Variants in ZCCHC7 observed in about 807,000 individuals in gnomAD.
ZCCHC7 encodes zinc finger CCHC-type containing 7, also known as zinc finger CCHC domain-containing protein 7.
A neutral mutation model predicts 52.0 loss-of-function variants in ZCCHC7; 35 were observed. The ratio of observed to expected loss-of-function variants is 0.67; its 90% CI spans 0.51 to 0.89. The LOEUF (loss-of-function observed/expected upper bound fraction) is 0.89. Ranked by LOEUF, ZCCHC7 falls within the 40% of genes least tolerant of loss-of-function variation. ZCCHC7 has a pLI of 0.00. For synonymous variants in ZCCHC7, 217 were observed against 221.5 expected, an observed-to-expected ratio of 0.98 and a Z score of 0.18; for missense variants, 574 against 649.1, an observed-to-expected ratio of 0.88 and a Z score of 1.26.
At chr9:37,294,040 G>A (rs1254362458) in intron 2 of ZCCHC7, among the ~76,000 whole-genome samples, 1 of 152,116 alleles carries the variant, frequency 6.6e-6, no homozygotes, top group Non-Finnish European at 1.5e-5. Flanking sequence ...CTATTAAAAT[G>A]TGTTTTATTT....
intron 2 of ZCCHC7, among the ~76,000 whole-genome samples, chr9:37,275,887 G>A (rs1024114318): frequency 6.6e-5 from 10 of 152,124 alleles, no homozygotes; most frequent in African/African-American, 2.2e-4. Context: ...CTGACCTCAG[G>A]TGATCCGCCT....
At chr9:37,145,240 C>A (rs1190716991) in intron 2 of ZCCHC7, among the ~76,000 whole-genome samples, 1 of 151,660 alleles carries the variant, frequency 6.6e-6, no homozygotes, top group Non-Finnish European at 1.5e-5. Context: ...AATATGTAGA[C>A]CTTGATTAAA....
At chr9:37,187,390 T>C (rs906951132) in intron 2 of ZCCHC7, among the ~76,000 whole-genome samples, 4 of 152,238 alleles carry the variant, frequency 2.6e-5, no homozygotes, top group Admixed American at 2.6e-4. Context: ...ATAGGGTTCA[T>C]GCTCCTATGA....
intron 6 of ZCCHC7, 40 bp from the exon 7 acceptor site, chr9:37,349,317 T>G: frequency 6.3e-7 from 1 of 1,597,492 alleles, no homozygotes; most frequent in Non-Finnish European, 8.6e-7. Context: ...TTTAATTTTC[T>G]TCTAACATCA....
chr9:37,235,021 G>A (rs544894507), intron 2 of ZCCHC7, among the ~76,000 whole-genome samples: 24 of 152,252 alleles, frequency 1.6e-4, no homozygotes, highest in African/African-American at 5.5e-4. Flanking sequence ...TGTATACACT[G>A]TATAATGATC....
intron 2 of ZCCHC7, among the ~76,000 whole-genome samples, chr9:37,210,230 A>C (rs1280231858): frequency 1.3e-5 from 2 of 152,108 alleles, no homozygotes; most frequent in African/African-American, 4.8e-5. Flanking sequence ...GACTTGTCAA[A>C]CTGACAGTTG....
chr9:37,290,101 T>C (rs1372472063), intron 2 of ZCCHC7, among the ~76,000 whole-genome samples: 1 of 152,230 alleles, frequency 6.6e-6, no homozygotes, highest in Non-Finnish European at 1.5e-5. Context: ...TGTTTGGTTT[T>C]TAATTGTTTC....
At chr9:37,268,737 A>T (rs1037091766) in intron 2 of ZCCHC7, among the ~76,000 whole-genome samples, 1 of 151,542 alleles carries the variant, frequency 6.6e-6, no homozygotes, top group African/African-American at 2.4e-5. Context: ...CAAAATTTCT[A>T]CTCTTTCCGA....
rs566911392 is a variant in ZCCHC7 at position 37,267,570 on chromosome 9, T to C, written c.611-34618T>C. On this transcript the variant is annotated intron_variant, in intron 2 of 8. Transcript: ENST00000336755. ...ACCATGCACGGCTAATTTTTTCTTT[T>C]TTTTTTTTTTTTTTTTTGAGACAGA... is the stretch of plus-strand genomic sequence containing the variant. 3.8e-4 allele frequency among the ~76,000 whole-genome samples: 54 copies of C among 142,512 alleles called. No individual in the cohort carries two copies. In the East Asian group the frequency reaches 3.8e-3, roughly 10 times the overall value. The allele number at this position is 142,512 out of a possible 152,430, so 93.5% of individuals were successfully genotyped here.
At chr9:37,143,013 T>C (rs144124608) in intron 2 of ZCCHC7, among the ~76,000 whole-genome samples, 4 of 151,924 alleles carry the variant, frequency 2.6e-5, no homozygotes, top group Non-Finnish European at 4.4e-5. Context: ...AGGAGAACAC[T>C]GTAGAGCCGA....
intron 6 of ZCCHC7, among the ~76,000 whole-genome samples, chr9:37,343,880 A>G (rs1359251815): frequency 6.6e-6 from 1 of 152,210 alleles, no homozygotes; most frequent in African/African-American, 2.4e-5. Context: ...ATAGTATGAA[A>G]TCAACCATAG....
At chr9:37,230,784 A>G (rs1219471426) in intron 2 of ZCCHC7, among the ~76,000 whole-genome samples, 1 of 151,716 alleles carries the variant, frequency 6.6e-6, no homozygotes, top group African/African-American at 2.4e-5. Flanking sequence ...ATTTTTTTTC[A>G]TTGATTTGTT....
In ZCCHC7 at chr9:37,354,848, G is replaced by T; in HGVS notation, c.1198+24G>T. On this transcript the variant is annotated intron_variant, in intron 8 of 8. Coordinates refer to ENST00000336755, the MANE Select transcript of ZCCHC7 (RefSeq NM_032226.3). This position sits in a 1 kb window ranked among gnomAD's most constrained non-coding sequence, Gnocchi z 4.0. ...AGGTATGTTGCTAGACTTCTTGTTA[G>T]ATCACATTTGCAGTAGTTTCTAAAT... 1 of 1,475,382 alleles carries T rather than the reference G, an allele frequency of 6.8e-7. No individual in the cohort carries two copies. The highest frequency in any genetic ancestry group is 1.7e-4 in the Middle Eastern group (1 of 5,764). The allele number at this position is 1,475,382 out of a possible 1,614,324, so 91.4% of individuals were successfully genotyped here.
chr9:37,357,374 T>C lies in ZCCHC7; in HGVS notation c.*106T>C. The C allele has an allele frequency of 1.7e-6, 2 of 1,184,450 alleles. 1 individual carries two copies. Among genetic ancestry groups the C allele is most frequent in the South Asian group, 3.8e-5 (2 of 53,214 alleles). The allele number at this position is 1,184,450 out of a possible 1,614,324, so 73.4% of individuals were successfully genotyped here. A position where few individuals can be genotyped will look rare whatever the true frequency, so the allele number is the denominator to read the frequency against. On this transcript the variant is annotated 3_prime_UTR_variant, in exon 9 of 9. Transcript: ENST00000336755. ...TCTATGATTAAATAAAGTGAGTTTT[T>C]GGTTTTGTTTTTTTAATTTCAGCCA...
chr9:37,158,811 A>T (rs1195077400), intron 2 of ZCCHC7, among the ~76,000 whole-genome samples: 1 of 152,228 alleles, frequency 6.6e-6, no homozygotes, highest in Non-Finnish European at 1.5e-5. Flanking sequence ...CCAGTTGTTT[A>T]CAACCTGGTT....
chr9:37,295,598 T>C (rs1828750029), intron 2 of ZCCHC7, among the ~76,000 whole-genome samples: 1 of 152,166 alleles, frequency 6.6e-6, no homozygotes, highest in Non-Finnish European at 1.5e-5. Context: ...ATTTATAGTA[T>C]TTGATATGAA....
At chr9:37,169,240 T>G (rs1333657142) in intron 2 of ZCCHC7, among the ~76,000 whole-genome samples, 1 of 152,214 alleles carries the variant, frequency 6.6e-6, no homozygotes, top group African/African-American at 2.4e-5. Context: ...TAACCTCTTT[T>G]GAGATTTGAT....
intron 2 of ZCCHC7, among the ~76,000 whole-genome samples, chr9:37,299,488 A>G (rs1828935844): frequency 6.6e-6 from 1 of 152,236 alleles, no homozygotes; most frequent in Non-Finnish European, 1.5e-5. Flanking sequence ...AGTTAACTCT[A>G]GAAGCCAGAT....
chr9:37,335,399 G>A (rs79830906), intron 6 of ZCCHC7, among the ~76,000 whole-genome samples: 1,961 of 152,156 alleles, frequency 0.013, 43 homozygotes, highest in African/African-American at 0.045. Context: ...TGAGTCTTTC[G>A]TCATATACTA....
Sources: allele counts gnomAD v4.1 joint callset (sites outside exome capture counted in the v4.1 genomes callset), GRCh38; gene constraint gnomAD v4.1.1; non-coding constraint Gnocchi (gnomAD v3.1); transcripts MANE v1.5; gene names NCBI Gene and HGNC (gene_info 2026-07-23, HGNC 2026-07-21).